Variants in INPP4B observed in about 807,000 individuals in gnomAD.
INPP4B encodes the protein inositol polyphosphate-4-phosphatase type II B.
INPP4B carries 55 observed loss-of-function variants against 122.5 expected under a neutral mutation model. The observed-to-expected ratio is 0.45, with a 90% confidence interval of 0.36 to 0.56. INPP4B has a LOEUF of 0.56. INPP4B is among the 20% of genes least tolerant of loss of function. The pLI, the probability that INPP4B is intolerant of heterozygous loss-of-function variation, is 0.00. For synonymous variants in INPP4B, 403 were observed against 388.7 expected (o/e 1.04, Z -0.43); for missense variants, 1,000 against 1,097.7 (o/e 0.91, Z 1.26).
intron 25 of INPP4B, among the ~76,000 whole-genome samples, chr4:142,040,902 C>T (rs1288965582): frequency 6.6e-6 from 1 of 152,146 alleles, no homozygotes; most frequent in East Asian, 1.9e-4. Flanking sequence ...AGGACATTAA[C>T]ACGTAAAATT....
chr4:142,727,325 T>C (rs1179924181), intron 1 of INPP4B, among the ~76,000 whole-genome samples: 4 of 152,160 alleles, frequency 2.6e-5, no homozygotes, highest in Non-Finnish European at 4.4e-5. Context: ...GGCCCTTATC[T>C]ACTCTTATGA....
chr4:142,790,623 T>C (rs1776412492), intron 1 of INPP4B, among the ~76,000 whole-genome samples: 1 of 151,816 alleles, frequency 6.6e-6, no homozygotes, highest in Non-Finnish European at 1.5e-5. Context: ...CCAAGGCCTA[T>C]ATAGGAGAAA....
At position 142,781,963 on chromosome 4, in the gene INPP4B, A is replaced by AT. The variant is rs959099216; in HGVS notation, c.-253-56063dup. On this transcript the variant is annotated intron_variant, in intron 1 of 25. Coordinates refer to ENST00000262992, the MANE Select transcript of INPP4B (RefSeq NM_001101669.3). ...CTAACTTTTGTCTTGCTAACCTTTT[A>AT]TTTTTTTTATTTTTTAATTTATTTT... 8.0e-5 allele frequency among the ~76,000 whole-genome samples: 12 copies of AT among 149,432 alleles called. No individual in the cohort carries two copies. The South Asian group carries it at 1.1e-3, about 13-fold the overall frequency.
chr4:142,553,409 C>A (rs1420524214), intron 2 of INPP4B, among the ~76,000 whole-genome samples: 2 of 152,230 alleles, frequency 1.3e-5, no homozygotes. Flanking sequence ...TCTTCACCTT[C>A]CACAAAGCAG....
At chr4:142,240,528 A>C (rs1277521831) in intron 11 of INPP4B, among the ~76,000 whole-genome samples, 1 of 152,174 alleles carries the variant, frequency 6.6e-6, no homozygotes, top group Non-Finnish European at 1.5e-5. Flanking sequence ...GTAACAATTT[A>C]AAAACCAGGC....
intron 21 of INPP4B, among the ~76,000 whole-genome samples, chr4:142,116,749 G>T (rs1793714866): frequency 6.6e-6 from 1 of 152,066 alleles, no homozygotes; most frequent in South Asian, 2.1e-4. Context: ...ACAATTAAAA[G>T]AACTTGAGAA....
intron 1 of INPP4B, among the ~76,000 whole-genome samples, chr4:142,772,817 G>T (rs2151004097): frequency 6.6e-6 from 1 of 152,084 alleles, no homozygotes; most frequent in East Asian, 1.9e-4. Flanking sequence ...GGCCAAGGCA[G>T]GCAGATTGCC....
intron 2 of INPP4B, among the ~76,000 whole-genome samples, chr4:142,523,719 C>T (rs1414991533): frequency 6.6e-6 from 1 of 151,310 alleles, no homozygotes; most frequent in African/African-American, 2.4e-5. Flanking sequence ...AGGTTAGTTA[C>T]ATATGTATAC....
At chr4:142,679,349 T>G (rs532617432) in intron 2 of INPP4B, among the ~76,000 whole-genome samples, 8 of 151,888 alleles carry the variant, frequency 5.3e-5, no homozygotes, top group Non-Finnish European at 1.0e-4. Context: ...CTTAAAAGTT[T>G]CTTGGAAATA....
intron 9 of INPP4B, among the ~76,000 whole-genome samples, chr4:142,283,123 T>A (rs961136581): frequency 2.0e-5 from 3 of 152,102 alleles, no homozygotes; most frequent in African/African-American, 7.2e-5. Flanking sequence ...ATTTTAGTTT[T>A]ATTTTTAAGG....
intron 1 of INPP4B, among the ~76,000 whole-genome samples, chr4:142,780,735 T>C (rs1580897811): frequency 6.6e-6 from 1 of 151,932 alleles, no homozygotes; most frequent in Admixed American, 6.6e-5. Context: ...GAAGTGGAGG[T>C]TGCAGTGAGC....
chr4:142,817,772 T>A (rs1460657553), intron 1 of INPP4B, among the ~76,000 whole-genome samples: 3 of 152,180 alleles, frequency 2.0e-5, no homozygotes. Context: ...CATCATCATA[T>A]TGTGCAACTT....
Position 142,674,094 on chromosome 4 carries a change from C to T in INPP4B, c.-191+51745G>A, listed in dbSNP as rs549447299. ...CCCTTTCCCTTCTCTGATCCCAGGA[C>T]AAGTTCAAAGGGTTGGTCATTCCAG... On this transcript the variant is annotated intron_variant, in intron 2 of 25. Coordinates refer to ENST00000262992, the MANE Select transcript of INPP4B (RefSeq NM_001101669.3). 2.3e-3 allele frequency among the ~76,000 whole-genome samples: 357 copies of T among 152,244 alleles called. 1 individual carries two copies. The highest frequency in any genetic ancestry group is 4.5e-3 in the Non-Finnish European group (305 of 68,026).
intron 2 of INPP4B, among the ~76,000 whole-genome samples, chr4:142,506,188 T>C (rs1446217148): frequency 6.6e-6 from 1 of 152,164 alleles, no homozygotes; most frequent in Admixed American, 6.5e-5. Flanking sequence ...CAAATTTAAA[T>C]GTAGCAGGAT....
At chr4:142,417,093 CA>C (rs1805938443) in intron 5 of INPP4B, among the ~76,000 whole-genome samples, 2 of 152,074 alleles carry the variant, frequency 1.3e-5, no homozygotes, top group South Asian at 4.1e-4. Context: ...GCATACTTCT[CA>C]GAATATTTGG....
intron 7 of INPP4B, among the ~76,000 whole-genome samples, chr4:142,333,472 A>G (rs1775465973): frequency 6.6e-6 from 1 of 152,220 alleles, no homozygotes. Context: ...TCTGTTTTGC[A>G]GAAATTAAAA....
intron 11 of INPP4B, among the ~76,000 whole-genome samples, chr4:142,239,305 G>A (rs1332588055): frequency 1.3e-5 from 2 of 152,060 alleles, no homozygotes; most frequent in African/African-American, 4.8e-5. Flanking sequence ...ACATGTACAT[G>A]CGTCCTGCCA....
intron 23 of INPP4B, among the ~76,000 whole-genome samples, chr4:142,095,562 T>C (rs1480546175): frequency 2.0e-5 from 3 of 152,148 alleles, no homozygotes; most frequent in African/African-American, 7.2e-5. Context: ...CCATCTTACT[T>C]TGCAGTGTCA....
Position 142,375,934 on chromosome 4 carries a change from G to A in INPP4B, c.372+27004C>T, listed in dbSNP as rs139340066. On this transcript the variant is annotated intron_variant, in intron 7 of 25. Transcript: ENST00000262992. ...TTATTTAAGCTACTATTAGACAGAC[G>A]TCTCTAGACAATAAAAATCTTGTCA... 5.9e-3 allele frequency among the ~76,000 whole-genome samples: 899 copies of A among 151,968 alleles called. 9 individuals carry two copies. The highest frequency in any genetic ancestry group is 0.02 in the African/African-American group (842 of 41,504).
Sources: allele counts gnomAD v4.1 joint callset (sites outside exome capture counted in the v4.1 genomes callset), GRCh38; gene constraint gnomAD v4.1.1; transcripts MANE v1.5; gene names NCBI Gene and HGNC (gene_info 2026-07-23, HGNC 2026-07-21).